AGBL2: variants seen among roughly 807,000 people sequenced by gnomAD.
The protein encoded by AGBL2 is AGBL carboxypeptidase 2, also known as cytosolic carboxypeptidase 2.
A neutral mutation model predicts 103.0 loss-of-function variants in AGBL2; 87 were observed. That is an observed-to-expected ratio of 0.84 (90% CI 0.71 to 1.01). The LOEUF is 1.01. Among genes scored for constraint, AGBL2 ranks in the 50% least tolerant of loss-of-function variants. AGBL2 has a pLI of 0.00. For missense variants in AGBL2, 904 were observed against 1,023.5 expected (o/e 0.88, Z 1.59); for synonymous variants, 335 against 356.7 (o/e 0.94, Z 0.69).
At chr11:47,691,955 G>A (rs1450174749) in intron 9 of AGBL2, 148 bp downstream of exon 9, 1 of 628,358 alleles carries the variant, frequency 1.6e-6, no homozygotes, top group Non-Finnish European at 2.5e-6. Flanking sequence ...GGGAAAAAAT[G>A]AGTAATAATT....
intron 17 of AGBL2, among the ~76,000 whole-genome samples, chr11:47,664,078 C>T (rs578019545): frequency 1.3e-5 from 2 of 152,046 alleles, no homozygotes; most frequent in Non-Finnish European, 2.9e-5. Flanking sequence ...TGGTCTTGAA[C>T]CCCTGACCTC....
intron 16 of AGBL2, 141 bp downstream of exon 16, chr11:47,667,430 C>G: frequency 4.5e-6 from 5 of 1,098,908 alleles, no homozygotes; most frequent in Non-Finnish European, 6.5e-6. Flanking sequence ...TGGAAGGGTT[C>G]TGATCGCAAA....
In AGBL2 at chr11:47,668,874, A is replaced by C; in HGVS notation, c.2181T>G (p.Gly727=). Residue 727 remains glycine (G), a synonymous_variant, in exon 15 of 19, where the codon GGT becomes GGG. Transcript: ENST00000525123. The stretch of plus-strand genomic sequence containing the variant: ...CTATGTTTGCTAGGTGAACAGGAAG[A>C]CCATCTGAGAGAGAACTGTCAGAGC... ...TSGSDSSLSD[G]LPVHLANIAD... 1 of 1,613,576 alleles carries C rather than the reference A, an allele frequency of 6.2e-7. No individual in the cohort carries two copies. The highest frequency in any genetic ancestry group is 8.5e-7 in the Non-Finnish European group (1 of 1,179,752).
Position 47,667,066 on chromosome 11 carries a change from A to C in AGBL2, c.2341-3T>G. The C allele has an allele frequency of 6.3e-7, 1 of 1,576,254 alleles. No homozygotes were observed. Among genetic ancestry groups the C allele is most frequent in the Non-Finnish European group, 8.6e-7 (1 of 1,159,920 alleles). On this transcript the variant is annotated splice_polypyrimidine_tract_variant and splice_region_variant and intron_variant, in intron 16 of 18. Transcript: ENST00000525123. Reference sequence around the variant, plus strand: ...GTAGAAGCAAATCCTGCCTTTTCCTAGGATTGAGTGAAAAGAGAATCTTTT... The same window carrying C: ...GTAGAAGCAAATCCTGCCTTTTCCTCGGATTGAGTGAAAAGAGAATCTTTT...
chr11:47,683,537 G>A (rs909154591), intron 11 of AGBL2, among the ~76,000 whole-genome samples: 1 of 152,036 alleles, frequency 6.6e-6, no homozygotes. Flanking sequence ...TTGGGAGGCC[G>A]AGGTGGGTGG....
chr11:47,709,190 A>G (rs1344269833), intron 4 of AGBL2, among the ~76,000 whole-genome samples: 1 of 152,168 alleles, frequency 6.6e-6, no homozygotes, highest in African/African-American at 2.4e-5. Context: ...GTTTTAAGTA[A>G]AAAAGGGACC....
chr11:47,674,797 G>A (rs2097369068), intron 14 of AGBL2, among the ~76,000 whole-genome samples: 1 of 151,792 alleles, frequency 6.6e-6, no homozygotes, highest in Non-Finnish European at 1.5e-5. Flanking sequence ...GTGCAATGGT[G>A]CGATCTCGGC....
intron 7 of AGBL2, among the ~76,000 whole-genome samples, chr11:47,703,467 A>G (rs2153805111): frequency 6.6e-6 from 1 of 152,322 alleles, no homozygotes; most frequent in South Asian, 2.1e-4. Context: ...AGTTTCTCAC[A>G]GTTTAATTTT....
At chr11:47,710,169 G>A (rs1268660861) in intron 4 of AGBL2, 9 of 573,330 alleles carry the variant, frequency 1.6e-5, no homozygotes, top group African/African-American at 1.9e-5. Flanking sequence ...GATTACAGGC[G>A]TGATCACCAT....
At position 47,660,153 on chromosome 11, in the gene AGBL2, G is replaced by A; in HGVS notation, c.*20C>T. On this transcript the variant is annotated 3_prime_UTR_variant, in exon 19 of 19. Transcript: ENST00000525123. ...TCAAAACCCCCGATGAAGTGCTTGT[G>A]TGGCACAGCCCAGGCTCACCTACGG... 1.3e-6 allele frequency: 2 copies of A among 1,585,972 alleles called. No individual in the cohort carries two copies. Among genetic ancestry groups the A allele is most frequent in the Non-Finnish European group, 1.7e-6 (2 of 1,166,500 alleles).
chr11:47,664,414 GTT>G (rs768834821), intron 17 of AGBL2, among the ~76,000 whole-genome samples: 1 of 139,996 alleles, frequency 7.1e-6, no homozygotes, highest in Non-Finnish European at 1.6e-5. Flanking sequence ...ATCCAGCTAA[GTT>G]TTTTTTTTTT....
At chr11:47,680,626 A>C (rs1359462600) in intron 12 of AGBL2, among the ~76,000 whole-genome samples, 1 of 152,054 alleles carries the variant, frequency 6.6e-6, no homozygotes, top group Non-Finnish European at 1.5e-5. Flanking sequence ...AAAAAATACA[A>C]AAATTAGCCT....
chr11:47,663,256 C>A, intron 17 of AGBL2, 144 bp from the exon 18 acceptor site: 1 of 598,718 alleles, frequency 1.7e-6, no homozygotes. Context: ...AAACATAATT[C>A]AAAGAAGGAA....
intron 17 of AGBL2, among the ~76,000 whole-genome samples, chr11:47,665,985 C>T (rs1433424376): frequency 1.3e-5 from 2 of 151,604 alleles, no homozygotes; most frequent in African/African-American, 4.8e-5. Context: ...CTCAAGCCTG[C>T]GTGACAGAAT....
intron 9 of AGBL2, among the ~76,000 whole-genome samples, chr11:47,691,862 C>T (rs568807527): frequency 6.8e-6 from 1 of 147,396 alleles, no homozygotes; most frequent in African/African-American, 2.5e-5. Context: ...TTTTATGTTA[C>T]ATATTTTTAC....
chr11:47,698,966 C>CAAAA (rs5791781), intron 8 of AGBL2, among the ~76,000 whole-genome samples: 20 of 117,542 alleles, frequency 1.7e-4, no homozygotes, highest in South Asian at 2.8e-4. Context: ...GTAGGAATGG[C>CAAAA]AAAAAAAAAA....
intron 12 of AGBL2, among the ~76,000 whole-genome samples, 165 bp downstream of exon 12, chr11:47,681,804 T>C (rs1175597375): frequency 8.5e-5 from 13 of 152,212 alleles, no homozygotes. Context: ...CCTCATCAAA[T>C]ATATTTCACA....
chr11:47,709,153 G>A (rs2097529941), intron 4 of AGBL2, among the ~76,000 whole-genome samples: 1 of 152,086 alleles, frequency 6.6e-6, no homozygotes, highest in African/African-American at 2.4e-5. Context: ...TGTATTTTAC[G>A]GTTTTCAGAT....
intron 17 of AGBL2, among the ~76,000 whole-genome samples, chr11:47,666,152 G>C (rs1395963703): frequency 6.6e-6 from 1 of 152,000 alleles, no homozygotes; most frequent in East Asian, 1.9e-4. Context: ...CCAGCACTTT[G>C]GGAGGCCAAA....
Sources: allele counts gnomAD v4.1 joint callset (sites outside exome capture counted in the v4.1 genomes callset), GRCh38; gene constraint gnomAD v4.1.1; transcripts MANE v1.5; gene names NCBI Gene and HGNC (gene_info 2026-07-23, HGNC 2026-07-21).